Variants in ZBTB10 observed in about 807,000 individuals in gnomAD.
The protein encoded by ZBTB10 is zinc finger and BTB domain-containing protein 10.
Under a neutral mutation model 76.4 loss-of-function variants are expected in ZBTB10, and 32 were observed. That is an observed-to-expected ratio of 0.42 (90% CI 0.32 to 0.56). The LOEUF (loss-of-function observed/expected upper bound fraction) is 0.56. ZBTB10 is among the 20% of genes least tolerant of loss of function. ZBTB10 has a pLI of 0.14. For synonymous variants in ZBTB10, 523 were observed against 432.9 expected (o/e 1.21, Z -2.58); for missense variants, 1,057 against 1,098.5 (o/e 0.96, Z 0.53).
rs1330053081 is a variant in ZBTB10, at chr8:80,523,694, A to G, written c.*4166A>G. The G allele has an allele frequency of 1.3e-5, 2 of 151,640 alleles. No homozygotes were observed. The highest frequency in any genetic ancestry group is 2.9e-5 in the Non-Finnish European group (2 of 67,810). 9.4% of individuals were successfully genotyped at this position (151,640 alleles called of 1,614,324 possible). On this transcript the variant is annotated 3_prime_UTR_variant, in exon 6 of 6. Transcript: ENST00000455036. Reference sequence around the variant, plus strand: ...CTAGATAGTTTAAAATGTGTTAGGGATAAGCACACTTCAAAAGATGTTTTC... The same window carrying G: ...CTAGATAGTTTAAAATGTGTTAGGGGTAAGCACACTTCAAAAGATGTTTTC...
At chr8:80,508,247 C>G (rs187974) in intron 2 of ZBTB10, among the ~76,000 whole-genome samples, 2 of 152,014 alleles carry the variant, frequency 1.3e-5, no homozygotes, top group Non-Finnish European at 2.9e-5. Context: ...CATATAAATG[C>G]CAGTCCCTGA....
chr8:80,514,071 C>T (rs1816266932), intron 3 of ZBTB10, 63 bp downstream of exon 3: 2 of 1,418,302 alleles, frequency 1.4e-6, no homozygotes, highest in Non-Finnish European at 2.0e-6. Flanking sequence ...ATCTTACCTG[C>T]AGCCTAGTGT....
rs878892066 is a variant in ZBTB10 at position 80,519,747 on chromosome 8, C to T, written c.*219C>T. On this transcript the variant is annotated 3_prime_UTR_variant, in exon 6 of 6. Coordinates refer to ENST00000455036, the MANE Select transcript of ZBTB10 (RefSeq NM_001105539.3). ...ACCATGTGGTTGGATTACATGGAGT[C>T]CCCACATACTCAGTCAGTTATCAAA... 7 of 457,318 alleles carry T rather than the reference C, an allele frequency of 1.5e-5. No homozygotes were observed. Among genetic ancestry groups the T allele is most frequent in the South Asian group, 1.5e-4 (3 of 19,984 alleles). 28.3% of individuals were successfully genotyped at this position (457,318 alleles called of 1,614,324 possible).
Position 80,487,677 on chromosome 8 carries a change from A to C in ZBTB10, c.867A>C (p.Pro289=), listed in dbSNP as rs904882590. The C allele has an allele frequency of 6.8e-6, 11 of 1,613,808 alleles. No homozygotes were observed. The highest frequency in any genetic ancestry group is 2.7e-5 in the African/African-American group (2 of 74,924). The change falls in exon 1 of 6, where the codon CCA becomes CCC. Residue 289 remains proline (P), a synonymous_variant. Transcript: ENST00000455036. Reference sequence around the variant, plus strand: ...ATGGGGGAAGCGTGGACCTTCCCCCAGTGGGGCATGATGAGCTTTCGCGAG... The same window carrying C: ...ATGGGGGAAGCGTGGACCTTCCCCCCGTGGGGCATGATGAGCTTTCGCGAG... ...PADGGSVDLP[P]VGHDELSRGT...
In ZBTB10 at chr8:80,486,307, C is replaced by G. The variant is rs1585830661; in HGVS notation, c.-504C>G. On this transcript the variant is annotated 5_prime_UTR_variant, in exon 1 of 6. Coordinates refer to ENST00000455036, the MANE Select transcript of ZBTB10 (RefSeq NM_001105539.3). ...ATTGTCGCTTCGTTATGTGGCGGAG[C>G]CGAGCAGTTTAGCGTGCCTCTCACC... 9 of 1,009,174 alleles carry G rather than the reference C, an allele frequency of 8.9e-6. No homozygotes were observed. Among genetic ancestry groups the G allele is most frequent in the African/African-American group, 3.5e-5 (2 of 57,456 alleles). 62.5% of individuals were successfully genotyped at this position (1,009,174 alleles called of 1,614,324 possible).
intron 3 of ZBTB10, among the ~76,000 whole-genome samples, chr8:80,514,518 A>C (rs1249314212): frequency 6.6e-6 from 1 of 152,222 alleles, no homozygotes; most frequent in African/African-American, 2.4e-5. Context: ...AGCTGATAGA[A>C]GAATGATAGA....
chr8:80,495,621 C>T (rs3863246), intron 1 of ZBTB10, among the ~76,000 whole-genome samples: 40,586 of 151,920 alleles, frequency 0.27, 6,193 homozygotes, highest in African/African-American at 0.42. Flanking sequence ...TTCAAATTAG[C>T]AACTGAATCA....
In ZBTB10 at chr8:80,522,946, A is replaced by G. The variant is rs1020162513; in HGVS notation, c.*3418A>G. On this transcript the variant is annotated 3_prime_UTR_variant, in exon 6 of 6. Transcript: ENST00000455036. ...AAATCTTAATTTTTAAAACTTTAGTAAGCTTTATTTATATTTTTTAGGATT... is the reference window on the plus strand; with the variant it reads ...AAATCTTAATTTTTAAAACTTTAGTGAGCTTTATTTATATTTTTTAGGATT... 1 of 151,864 alleles carries G rather than the reference A, an allele frequency of 6.6e-6. No homozygotes were observed. The highest frequency in any genetic ancestry group is 1.5e-5 in the Non-Finnish European group (1 of 67,864). The allele number at this position is 151,864 out of a possible 1,614,324, so 9.4% of individuals were successfully genotyped here.
At chr8:80,511,493 T>G (rs1321915718) in intron 2 of ZBTB10, among the ~76,000 whole-genome samples, 3 of 152,252 alleles carry the variant, frequency 2.0e-5, no homozygotes, top group Non-Finnish European at 2.9e-5. Flanking sequence ...TTTTTATTTT[T>G]ATTTCAATTT....
At position 80,522,829 on chromosome 8, in the gene ZBTB10, G is replaced by C. The variant is rs1186918610; in HGVS notation, c.*3301G>C. ...ATAGGAAATGAAAGGATTAGGACTT[G>C]GGCATTTATATTAATACAAAATGGT... is the stretch of plus-strand genomic sequence containing the variant. On this transcript the variant is annotated 3_prime_UTR_variant, in exon 6 of 6. Transcript: ENST00000455036. The C allele has an allele frequency of 3.3e-5, 5 of 151,860 alleles. No homozygotes were observed. Among genetic ancestry groups the C allele is most frequent in the African/African-American group, 1.2e-4 (5 of 41,496 alleles). 9.4% of individuals were successfully genotyped at this position (151,860 alleles called of 1,614,324 possible).
chr8:80,512,380 T>C (rs1035982482), intron 2 of ZBTB10, among the ~76,000 whole-genome samples: 2 of 152,202 alleles, frequency 1.3e-5, no homozygotes, highest in Non-Finnish European at 2.9e-5. Flanking sequence ...ATCTTTAGTA[T>C]TCTCCCTTTA....
chr8:80,524,803 A>G lies in ZBTB10; in HGVS notation c.*5275A>G, dbSNP rs2131527686. On this transcript the variant is annotated 3_prime_UTR_variant, in exon 6 of 6. Transcript: ENST00000455036. ...ATTGAAAATCGGTTTTTAATTATCC[A>G]AAGATGAAATGGGGCTGCTTCAGAA... 1 of 152,196 alleles carries G rather than the reference A, an allele frequency of 6.6e-6. No homozygotes were observed. Among genetic ancestry groups the G allele is most frequent in the Non-Finnish European group, 1.5e-5 (1 of 67,960 alleles). 9.4% of individuals were successfully genotyped at this position (152,196 alleles called of 1,614,324 possible). A position where few individuals can be genotyped will look rare whatever the true frequency, so the allele number is the denominator to read the frequency against.
In ZBTB10 at chr8:80,518,487, A is replaced by G; in HGVS notation, c.2045A>G (p.Asp682Gly). ...KYGLIPGTSN[D>G]FKYGLIPGAS... ...GGATTGATACCAGGTACTTCAAATG[A>G]TTTCAAGTATGGATTGATACCAGGT... The change falls in exon 4 of 6, where the codon GAT becomes GGT. Residue 682 changes from aspartate to glycine, a missense_variant. Physicochemically the swap from Asp to Gly is moderately conservative, Grantham distance 94. This residue lies in a region of ZBTB10 where 306 missense variants were observed against 297.5 expected (regional missense o/e 1.03). Coordinates refer to ENST00000455036, the MANE Select transcript of ZBTB10 (RefSeq NM_001105539.3). 6 of 1,553,372 alleles carry G rather than the reference A, an allele frequency of 3.9e-6. No homozygotes were observed. The highest frequency in any genetic ancestry group is 5.2e-6 in the Non-Finnish European group (6 of 1,147,910).
intron 3 of ZBTB10, among the ~76,000 whole-genome samples, chr8:80,516,115 G>A (rs1208256541): frequency 6.6e-6 from 1 of 152,040 alleles, no homozygotes; most frequent in Non-Finnish European, 1.5e-5. Flanking sequence ...TTTGAGATGG[G>A]GTCTCACTCT....
At chr8:80,505,546 T>G in intron 2 of ZBTB10, among the ~76,000 whole-genome samples, 1 of 152,158 alleles carries the variant, frequency 6.6e-6, no homozygotes, top group East Asian at 1.9e-4. Flanking sequence ...TCACCTAGAC[T>G]TATGATGGAA....
chr8:80,518,623 T>C (rs1486100504), intron 4 of ZBTB10, 44 bp downstream of exon 4: 7 of 1,514,460 alleles, frequency 4.6e-6, no homozygotes, highest in South Asian at 2.6e-5. Flanking sequence ...AATTAAATAA[T>C]TGTTAACAAT....
chr8:80,487,879 A>C, intron 1 of ZBTB10, 97 bp downstream of exon 1: 2 of 1,361,228 alleles, frequency 1.5e-6, no homozygotes, highest in South Asian at 1.5e-5. Context: ...AAAACCTCAA[A>C]ACCATTTTCC....
At position 80,524,341 on chromosome 8, in the gene ZBTB10, T is replaced by A. The variant is rs1472990083; in HGVS notation, c.*4813T>A. On this transcript the variant is annotated 3_prime_UTR_variant, in exon 6 of 6. Coordinates refer to ENST00000455036, the MANE Select transcript of ZBTB10 (RefSeq NM_001105539.3). ...TTTGTAATCAGTGTATCTTTTAAGATTCTCTACAGGTTTTAGAAAATATTA... is the reference window on the plus strand; with the variant it reads ...TTTGTAATCAGTGTATCTTTTAAGAATCTCTACAGGTTTTAGAAAATATTA... 5 of 152,112 alleles carry A rather than the reference T, an allele frequency of 3.3e-5. No individual in the cohort carries two copies. The highest frequency in any genetic ancestry group is 7.4e-5 in the Non-Finnish European group (5 of 67,950). 9.4% of individuals were successfully genotyped at this position (152,112 alleles called of 1,614,324 possible).
At position 80,523,530 on chromosome 8, in the gene ZBTB10, AC is replaced by A. The variant is rs1287278765; in HGVS notation, c.*4005del. 1 of 151,906 alleles carries A rather than the reference AC, an allele frequency of 6.6e-6. No individual in the cohort carries two copies. Among genetic ancestry groups the A allele is most frequent in the Non-Finnish European group, 1.5e-5 (1 of 67,866 alleles). The allele number at this position is 151,906 out of a possible 1,614,324, so 9.4% of individuals were successfully genotyped here. On this transcript the variant is annotated 3_prime_UTR_variant, in exon 6 of 6. Coordinates refer to ENST00000455036, the MANE Select transcript of ZBTB10 (RefSeq NM_001105539.3). ...ACCCCAGTTTTTGTGCCGTTCAGTC[AC>A]CCAGATCCTTAAACTTAACTATGGT...
Sources: gnomAD v4.1 joint callset for allele counts (sites outside exome capture counted in the v4.1 genomes callset) on GRCh38, gnomAD v4.1.1 for gene constraint, gnomAD v4.1.1 regional missense constraint, MANE v1.5 for transcripts, NCBI Gene and HGNC (gene_info 2026-07-23, HGNC 2026-07-21) for gene names.